The following MPDZ variants were observed in gnomAD, a reference collection of about 807,000 sequenced individuals.
MPDZ encodes the protein multiple PDZ domain crumbs cell polarity complex component.
In MPDZ, 234 loss-of-function variants were observed where a neutral mutation model predicts 239.1. The observed-to-expected ratio is 0.98, with a 90% CI of 0.88 to 1.09. The LOEUF is 1.09. Among genes scored for constraint, MPDZ ranks in the 50% least tolerant of loss-of-function variants. The pLI, the probability that MPDZ is intolerant of heterozygous loss-of-function variation, is 0.00. For missense variants in MPDZ, 3,175 were observed against 2,510.0 expected (o/e 1.26, Z -5.66); for synonymous variants, 1,048 against 881.3 (o/e 1.19, Z -3.35).
Position 13,216,870 on chromosome 9 carries a change from T to A in MPDZ, c.1202-8A>T, listed in dbSNP as rs749134540. ...CAAAGATTCCTGAAGGTTCTAAGAT[T>A]AGAAATAGTTTATTTTTCACAATTT... On this transcript the variant is annotated splice_polypyrimidine_tract_variant and splice_region_variant and intron_variant, in intron 9 of 46. Coordinates refer to ENST00000319217, the MANE Select transcript of MPDZ (RefSeq NM_001378778.1). 7.5e-6 allele frequency: 12 copies of A among 1,598,132 alleles called. No individual in the cohort carries two copies. The highest frequency in any genetic ancestry group is 3.4e-5 in the Admixed American group (2 of 59,218).
At chr9:13,210,474 T>C (rs1278852210) in intron 10 of MPDZ, among the ~76,000 whole-genome samples, 2 of 151,724 alleles carry the variant, frequency 1.3e-5, no homozygotes, top group African/African-American at 4.8e-5. Context: ...CCCACCCAGG[T>C]ATTTCCCCCT....
chr9:13,222,518 T>C (rs901106864), intron 5 of MPDZ, 72 bp from the exon 6 acceptor site: 2 of 1,174,830 alleles, frequency 1.7e-6, no homozygotes, highest in Non-Finnish European at 2.5e-6. Context: ...CTTTGGCATG[T>C]ATGTTCAAGT....
At chr9:13,186,622 T>C (rs879569090) in intron 17 of MPDZ, among the ~76,000 whole-genome samples, 25 of 151,120 alleles carry the variant, frequency 1.7e-4, no homozygotes, top group Non-Finnish European at 8.8e-5. Context: ...AAATCACCTG[T>C]TGGATGAGAA....
Position 13,133,888 on chromosome 9 carries a change from G to C in MPDZ, c.4400C>G (p.Thr1467Ser), listed in dbSNP as rs765313224. The change falls in exon 32 of 47, where the codon ACT (threonine) becomes AGT (serine). Residue 1467 changes from threonine (T) to serine (S), a missense_variant. Thr to Ser is a moderately conservative substitution (Grantham distance 58, BLOSUM62 1). Coordinates refer to ENST00000319217, the MANE Select transcript of MPDZ (RefSeq NM_001378778.1). ...GAGGTCCACAGCTGCATCAGAAGTA[G>C]TAACAGTTGGCTCTGTCTGACAGAG... ...LQNKETEPTV[T>S]TSDAAVDLSS... 6.9e-6 allele frequency: 11 copies of C among 1,589,456 alleles called. 1 individual carries two copies. In the South Asian group the frequency reaches 1.2e-4, roughly 17 times the overall value.
At chr9:13,190,402 A>G (rs1954744948) in intron 15 of MPDZ, 103 bp from the exon 16 acceptor site, 2 of 981,130 alleles carry the variant, frequency 2.0e-6, no homozygotes, top group East Asian at 6.0e-5. Context: ...TCCAAACAAA[A>G]CATCCTCAAA....
chr9:13,207,577 T>C (rs1321446801), intron 10 of MPDZ, among the ~76,000 whole-genome samples: 1 of 152,234 alleles, frequency 6.6e-6, no homozygotes, highest in Non-Finnish European at 1.5e-5. Context: ...ATAATTGCTT[T>C]ATATTTCAGT....
At chr9:13,154,068 CA>C (rs1217216857) in intron 24 of MPDZ, among the ~76,000 whole-genome samples, 2 of 152,076 alleles carry the variant, frequency 1.3e-5, no homozygotes, top group East Asian at 3.9e-4. Context: ...AGAAGAGACA[CA>C]GAGAGGTTAA....
At chr9:13,227,454 G>A (rs1301264895) in intron 3 of MPDZ, among the ~76,000 whole-genome samples, 7 of 151,916 alleles carry the variant, frequency 4.6e-5, no homozygotes, top group East Asian at 1.9e-4. Flanking sequence ...TGAAGCAGAT[G>A]GCATAATGAA....
At chr9:13,218,608 T>C (rs747936619) in intron 8 of MPDZ, among the ~76,000 whole-genome samples, 3 of 151,938 alleles carry the variant, frequency 2.0e-5, no homozygotes, top group Non-Finnish European at 4.4e-5. Flanking sequence ...AAATTACAAG[T>C]GTTCTAATAA....
At chr9:13,167,517 TAG>T (rs1217708972) in intron 22 of MPDZ, among the ~76,000 whole-genome samples, 1 of 152,112 alleles carries the variant, frequency 6.6e-6, no homozygotes, top group Non-Finnish European at 1.5e-5. Context: ...GGACTAGTAA[TAG>T]AGAATGTAGT....
At chr9:13,123,101 G>A in intron 36 of MPDZ, 52 bp downstream of exon 36, 2 of 1,521,162 alleles carry the variant, frequency 1.3e-6, no homozygotes, top group Non-Finnish European at 1.8e-6. Context: ...AATCGTCTCT[G>A]AGGCCTGGCT....
intron 1 of MPDZ, chr9:13,274,529 T>G (rs1588270337): frequency 6.6e-6 from 1 of 152,036 alleles, no homozygotes; most frequent in Non-Finnish European, 1.5e-5. Context: ...TTTTATTTAT[T>G]TATTTATTTT....
At chr9:13,120,557 T>C (rs908601719) in intron 38 of MPDZ, 1 of 152,206 alleles carries the variant, frequency 6.6e-6, no homozygotes, top group African/African-American at 2.4e-5. Flanking sequence ...GATACTGTAT[T>C]CCAAAAAAAG....
At chr9:13,137,024 A>C (rs755880676) in intron 29 of MPDZ, among the ~76,000 whole-genome samples, 5 of 152,166 alleles carry the variant, frequency 3.3e-5, no homozygotes, top group Non-Finnish European at 7.3e-5. Flanking sequence ...ATGAAGTCTG[A>C]CATCCATGAA....
rs556400173 is a variant in MPDZ, at chr9:13,142,590, G to A, written c.3840+876C>T. On this transcript the variant is annotated intron_variant, in intron 27 of 46. Coordinates refer to ENST00000319217, the MANE Select transcript of MPDZ (RefSeq NM_001378778.1). Reference sequence around the variant, plus strand: ...GTACAGCACACACATAAAGCACACTGTAACACACCCACATACGAAAATTCC... The same window carrying A: ...GTACAGCACACACATAAAGCACACTATAACACACCCACATACGAAAATTCC... 5.3e-5 allele frequency among the ~76,000 whole-genome samples: 8 copies of A among 152,216 alleles called. No individual in the cohort carries two copies. The East Asian group carries it at 5.8e-4, about 11-fold the overall frequency.
chr9:13,270,472 A>G (rs1283037039), intron 1 of MPDZ, among the ~76,000 whole-genome samples: 1 of 151,952 alleles, frequency 6.6e-6, no homozygotes, highest in Non-Finnish European at 1.5e-5. Flanking sequence ...ACTGAAACAC[A>G]CTACTGGGCA....
At chr9:13,274,100 T>A (rs2139416179) in intron 1 of MPDZ, among the ~76,000 whole-genome samples, 2 of 152,314 alleles carry the variant, frequency 1.3e-5, no homozygotes, top group East Asian at 3.9e-4. Context: ...GAGTGGTATC[T>A]GGGTGATCTA....
At chr9:13,115,528 G>T (rs535666458) in intron 39 of MPDZ, among the ~76,000 whole-genome samples, 194 bp from the exon 40 acceptor site, 2 of 152,134 alleles carry the variant, frequency 1.3e-5, no homozygotes, top group South Asian at 4.1e-4. Flanking sequence ...AAAATAATCA[G>T]CAGCAGCAAC....
intron 16 of MPDZ, among the ~76,000 whole-genome samples, chr9:13,189,283 G>A (rs1042422956): frequency 2.0e-5 from 3 of 152,112 alleles, no homozygotes; most frequent in African/African-American, 7.2e-5. Flanking sequence ...ACTTTGATAA[G>A]TTATCAAATT....
Sources: allele counts gnomAD v4.1 joint callset (sites outside exome capture counted in the v4.1 genomes callset), GRCh38; gene constraint gnomAD v4.1.1; transcripts MANE v1.5; gene names NCBI Gene and HGNC (gene_info 2026-07-23, HGNC 2026-07-21).